The following LRIG1 variants were observed in gnomAD, a reference collection of about 807,000 sequenced individuals.
The protein encoded by LRIG1 is leucine rich repeats and immunoglobulin like domains 1.
LRIG1 carries 48 observed loss-of-function variants against 99.2 expected under a neutral mutation model. That is an observed-to-expected ratio of 0.48 (90% CI 0.38 to 0.62). The LOEUF (loss-of-function observed/expected upper bound fraction) is 0.62, where lower values mean the gene tolerates loss of function less well. Among genes scored for constraint, LRIG1 ranks in the 20% least tolerant of loss-of-function variants. The pLI is 0.00. For missense variants in LRIG1, 1,646 were observed against 1,434.4 expected, an observed-to-expected ratio of 1.15 and a Z score of -2.38; for synonymous variants, 772 against 596.1, an observed-to-expected ratio of 1.29 and a Z score of -4.30.
chr3:66,386,382 T>A, intron 12 of LRIG1, 81 bp from the exon 13 acceptor site: 1 of 1,200,298 alleles, frequency 8.3e-7, no homozygotes, highest in Non-Finnish European at 1.2e-6. Flanking sequence ...TAACAGAAAC[T>A]GACACAGACA....
intron 1 of LRIG1, among the ~76,000 whole-genome samples, chr3:66,493,969 AAAG>A (rs1016302957): frequency 2.0e-5 from 3 of 150,456 alleles, no homozygotes; most frequent in East Asian, 2.0e-4. Flanking sequence ...AAGAAAAAGA[AAAG>A]AAAGAGAAAA....
At chr3:66,482,902 C>T (rs986029231) in intron 1 of LRIG1, among the ~76,000 whole-genome samples, 1 of 152,198 alleles carries the variant, frequency 6.6e-6, no homozygotes, top group African/African-American at 2.4e-5. Context: ...GAAATTTATA[C>T]ACTATCCAGT....
intron 13 of LRIG1, among the ~76,000 whole-genome samples, chr3:66,384,570 C>T (rs1476080396): frequency 2.0e-5 from 3 of 151,848 alleles, no homozygotes; most frequent in African/African-American, 4.9e-5. Flanking sequence ...GCAGGGGGTG[C>T]CCATCCACAC....
intron 12 of LRIG1, 96 bp from the exon 13 acceptor site, chr3:66,386,397 G>A (rs1342593021): frequency 2.9e-6 from 3 of 1,052,448 alleles, no homozygotes; most frequent in Non-Finnish European, 4.2e-6. Context: ...CAGACACCAA[G>A]CAGGAACCAG....
intron 1 of LRIG1, among the ~76,000 whole-genome samples, chr3:66,477,650 C>A (rs149324714): frequency 1.2e-3 from 176 of 152,282 alleles, no homozygotes; most frequent in East Asian, 5.6e-3. Context: ...AGGGCCCAAT[C>A]CCCTCTCGCC....
intron 1 of LRIG1, among the ~76,000 whole-genome samples, chr3:66,477,854 GCA>G (rs1491127816): frequency 0.83 from 125,467 of 152,006 alleles, 54,705 homozygotes; most frequent in Non-Finnish European, 0.97. Context: ...TTTGAGTGAT[GCA>G]CTACAGGATA....
In LRIG1 at chr3:66,415,541, A is replaced by G. The variant is rs543775395; in HGVS notation, c.504-478T>C. 2.2e-3 allele frequency among the ~76,000 whole-genome samples: 333 copies of G among 152,354 alleles called. 1 individual carries two copies. Among genetic ancestry groups the G allele is most frequent in the Non-Finnish European group, 2.0e-3 (133 of 68,032 alleles). ...AGGTGGGTCTTGCTATATGAACTAC[A>G]TAACACATATGTATAAACCAATTCA... On this transcript the variant is annotated intron_variant, in intron 4 of 18. Coordinates refer to ENST00000273261, the MANE Select transcript of LRIG1 (RefSeq NM_015541.3).
chr3:66,464,948 C>T (rs1291315523), intron 1 of LRIG1, among the ~76,000 whole-genome samples: 1 of 152,152 alleles, frequency 6.6e-6, no homozygotes, highest in African/African-American at 2.4e-5. Flanking sequence ...AGTATCAGGA[C>T]TTAACACTGA....
intron 1 of LRIG1, among the ~76,000 whole-genome samples, chr3:66,475,134 A>G (rs1173567900): frequency 1.3e-5 from 2 of 152,222 alleles, no homozygotes; most frequent in East Asian, 1.9e-4. Context: ...GCTAGGACTT[A>G]GCCTAACACT....
chr3:66,399,112 AAAAG>A (rs1172590466), intron 9 of LRIG1, 71 bp from the exon 10 acceptor site: 5 of 1,224,586 alleles, frequency 4.1e-6, no homozygotes, highest in African/African-American at 3.0e-5. Flanking sequence ...GAGAGAAAGA[AAAAG>A]AAAAAGAAAA....
intron 12 of LRIG1, among the ~76,000 whole-genome samples, chr3:66,389,074 G>A (rs1049325185): frequency 2.0e-5 from 3 of 152,182 alleles, no homozygotes; most frequent in South Asian, 2.1e-4. Flanking sequence ...TAATGTGTAC[G>A]ACAACAGTAA....
intron 14 of LRIG1, among the ~76,000 whole-genome samples, chr3:66,383,782 G>T (rs1308160382): frequency 6.6e-6 from 1 of 152,042 alleles, no homozygotes; most frequent in Non-Finnish European, 1.5e-5. Context: ...ACCCTATGAA[G>T]ACTCTTAATT....
intron 9 of LRIG1, among the ~76,000 whole-genome samples, chr3:66,402,107 T>G (rs66502029): frequency 0.21 from 32,130 of 152,074 alleles, 3,596 homozygotes; most frequent in Admixed American, 0.27. Context: ...GTGCCCTGTG[T>G]GGGACTCTGC....
chr3:66,472,102 A>G (rs751396606), intron 1 of LRIG1, among the ~76,000 whole-genome samples: 3 of 152,098 alleles, frequency 2.0e-5, no homozygotes, highest in Non-Finnish European at 4.4e-5. Context: ...CAGGAGATCA[A>G]GACCATCCTG....
chr3:66,451,566 G>C lies in LRIG1; in HGVS notation c.358C>G (p.Leu120Val). ...LGAASSHVVS[L>V]FLQHNKIRSV... Reference sequence around the variant, plus strand: ...CCAAACGGCACCACTTACAGAAAGAGAGAGACGACATGTGATGAAGCAGCG... The same window carrying C: ...CCAAACGGCACCACTTACAGAAAGACAGAGACGACATGTGATGAAGCAGCG... The change falls in exon 3 of 19, where the codon CTC becomes GTC. Residue 120 changes from leucine to valine, a missense_variant. Transcript: ENST00000273261. 1 of 1,614,066 alleles carries C rather than the reference G, an allele frequency of 6.2e-7. No homozygotes were observed. Among genetic ancestry groups the C allele is most frequent in the Non-Finnish European group, 8.5e-7 (1 of 1,179,962 alleles).
At chr3:66,488,725 A>G (rs529055106) in intron 1 of LRIG1, among the ~76,000 whole-genome samples, 1 of 152,318 alleles carries the variant, frequency 6.6e-6, no homozygotes, top group Non-Finnish European at 1.5e-5. Context: ...TCCCTGGTAA[A>G]AGGGATGGCA....
At chr3:66,444,718 C>A (rs1357261945) in intron 3 of LRIG1, among the ~76,000 whole-genome samples, 1 of 152,136 alleles carries the variant, frequency 6.6e-6, no homozygotes, top group Non-Finnish European at 1.5e-5. Flanking sequence ...AGGTGGTCTA[C>A]CAGTGAGCAG....
chr3:66,384,079 A>G lies in LRIG1; in HGVS notation c.1983T>C (p.Asp661=). The G allele has an allele frequency of 6.2e-7, 1 of 1,614,108 alleles. No homozygotes were observed. Among genetic ancestry groups the G allele is most frequent in the East Asian group, 2.2e-5 (1 of 44,868 alleles). ...AAACCCCTGCGTCATCTATTTTCACATCAGTGATGAAAAACACGTCGTCAT... is the reference window on the plus strand; with the variant it reads ...AAACCCCTGCGTCATCTATTTTCACGTCAGTGATGAAAAACACGTCGTCAT... ...MPDDDVFFIT[D]VKIDDAGVYS... The change falls in exon 14 of 19, where the codon GAT becomes GAC. Residue 661 remains aspartate, a synonymous_variant. Transcript: ENST00000273261.
intron 7 of LRIG1, 90 bp downstream of exon 7, chr3:66,410,039 C>A: frequency 7.2e-7 from 1 of 1,386,698 alleles, no homozygotes; most frequent in Admixed American, 2.2e-5. Context: ...TCCCCGAGGC[C>A]ACTGTGTGGT....
Sources: gnomAD v4.1 joint callset for allele counts (sites outside exome capture counted in the v4.1 genomes callset) on GRCh38, gnomAD v4.1.1 for gene constraint, MANE v1.5 for transcripts, NCBI Gene and HGNC (gene_info 2026-07-23, HGNC 2026-07-21) for gene names.